Variants in ADAMTS3 observed in about 807,000 individuals in gnomAD.
ADAMTS3 encodes the protein ADAM metallopeptidase with thrombospondin type 1 motif 3.
Under a neutral mutation model 129.0 loss-of-function variants are expected in ADAMTS3, and 73 were observed. The observed-to-expected ratio is 0.57, with a 90% CI of 0.47 to 0.69. The LOEUF is 0.69. ADAMTS3 is among the 30% of genes least tolerant of loss of function. ADAMTS3 has a pLI of 0.00. For synonymous variants in ADAMTS3, 477 were observed against 510.8 expected, an observed-to-expected ratio of 0.93 and a Z score of 0.89; for missense variants, 1,457 against 1,514.5, an observed-to-expected ratio of 0.96 and a Z score of 0.63.
chr4:72,311,100 G>A lies in ADAMTS3; in HGVS notation c.2003C>T (p.Thr668Met), dbSNP rs372067284. The change falls in exon 14 of 22, where the codon ACG becomes ATG. Residue 668 changes from threonine (T) to methionine (M), a missense_variant. Physicochemically the swap from Thr to Met is moderately conservative, Grantham distance 81. Transcript: ENST00000286657. ...ATATGGATCTTTGTAAGAACAGTGC[G>A]TTCCATCATGCACCAGTTGTTTCAT... ...AYMKQLVHDG[T>M]HCSYKDPYSI... 2.4e-5 allele frequency: 39 copies of A among 1,612,382 alleles called. No individual in the cohort carries two copies. Among genetic ancestry groups the A allele is most frequent in the Admixed American group, 3.3e-5 (2 of 59,902 alleles).
chr4:72,470,655 T>C (rs1719048144), intron 3 of ADAMTS3, among the ~76,000 whole-genome samples: 1 of 151,962 alleles, frequency 6.6e-6, no homozygotes, highest in Non-Finnish European at 1.5e-5. Flanking sequence ...AATATGAAGA[T>C]GTTTTCACCT....
intron 2 of ADAMTS3, among the ~76,000 whole-genome samples, chr4:72,556,240 T>C (rs979331346): frequency 2.6e-5 from 4 of 151,736 alleles, no homozygotes; most frequent in African/African-American, 9.7e-5. Context: ...GTATGACATA[T>C]GACAGACACA....
intron 3 of ADAMTS3, among the ~76,000 whole-genome samples, chr4:72,533,644 T>A (rs1721106314): frequency 1.3e-5 from 2 of 151,950 alleles, no homozygotes; most frequent in African/African-American, 2.4e-5. Flanking sequence ...TATGCACATA[T>A]GTATATATAC....
chr4:72,398,713 A>G (rs1721791934), intron 4 of ADAMTS3, among the ~76,000 whole-genome samples: 2 of 152,246 alleles, frequency 1.3e-5, no homozygotes, highest in Non-Finnish European at 2.9e-5. Context: ...ATGAAAGTTC[A>G]TAAGATGAAA....
chr4:72,309,472 A>G lies in ADAMTS3; in HGVS notation c.2104T>C (p.Cys702Arg). ...GAATTATCTCCTCCACAGACACCAC[A>G]CTTATCCTCAACCTTATTAGAACCA... Reference protein sequence around the residue: ...EIGSNKVEDKCGVCGGDNSHC... With the variant: ...EIGSNKVEDKRGVCGGDNSHC... The change falls in exon 15 of 22, where the codon TGT becomes CGT. Residue 702 changes from cysteine to arginine, a missense_variant. Cys to Arg is a radical substitution (Grantham distance 180). Coordinates refer to ENST00000286657, the MANE Select transcript of ADAMTS3 (RefSeq NM_014243.3). 1.9e-6 allele frequency: 3 copies of G among 1,612,130 alleles called. No homozygotes were observed. Among genetic ancestry groups the G allele is most frequent in the Non-Finnish European group, 1.7e-6 (2 of 1,178,648 alleles).
chr4:72,535,511 C>G (rs1721164132), intron 3 of ADAMTS3, among the ~76,000 whole-genome samples: 1 of 152,126 alleles, frequency 6.6e-6, no homozygotes, highest in Admixed American at 6.6e-5. Context: ...CAGAAGTAGA[C>G]CTTCCAGAAG....
chr4:72,494,799 C>A (rs1024869335), intron 3 of ADAMTS3, among the ~76,000 whole-genome samples: 2 of 152,114 alleles, frequency 1.3e-5, no homozygotes, highest in Non-Finnish European at 2.9e-5. Context: ...TTTGGGGGTG[C>A]TTAGTAGTAA....
At chr4:72,442,098 G>A (rs982831239) in intron 3 of ADAMTS3, 1 of 151,778 alleles carries the variant, frequency 6.6e-6, no homozygotes, top group Non-Finnish European at 1.5e-5. Context: ...GACTTGAATG[G>A]CTGAGGTCTA....
intron 3 of ADAMTS3, among the ~76,000 whole-genome samples, chr4:72,528,225 A>C (rs1720865716): frequency 6.6e-6 from 1 of 151,796 alleles, no homozygotes; most frequent in South Asian, 2.1e-4. Flanking sequence ...AAAAAAAAAA[A>C]GTTTCCATGC....
intron 19 of ADAMTS3, among the ~76,000 whole-genome samples, chr4:72,295,429 A>T (rs558600833): frequency 1.6e-4 from 25 of 152,214 alleles, no homozygotes; most frequent in African/African-American, 5.8e-4. Context: ...GTAATTACCA[A>T]ATATCAAAAT....
chr4:72,493,154 T>G (rs928944449), intron 3 of ADAMTS3, among the ~76,000 whole-genome samples: 13 of 151,922 alleles, frequency 8.6e-5, no homozygotes, highest in African/African-American at 3.1e-4. Flanking sequence ...AAATTTGTTT[T>G]TTGTCCATTC....
chr4:72,432,091 C>G (rs1722714024), intron 3 of ADAMTS3, among the ~76,000 whole-genome samples: 1 of 151,954 alleles, frequency 6.6e-6, no homozygotes, highest in African/African-American at 2.4e-5. Flanking sequence ...TCCTCTGTAG[C>G]AGAGGCTGCT....
In ADAMTS3 at chr4:72,289,489, T is replaced by C. The variant is rs534041929; in HGVS notation, c.2932-621A>G. Among the ~76,000 whole-genome samples, 175 of 152,302 alleles carry C rather than the reference T, an allele frequency of 1.1e-3. 1 individual carries two copies. The highest frequency in any genetic ancestry group is 3.9e-3 in the African/African-American group (161 of 41,566). On this transcript the variant is annotated intron_variant, in intron 20 of 21. Coordinates refer to ENST00000286657, the MANE Select transcript of ADAMTS3 (RefSeq NM_014243.3). ...CTAAAACTAAGCTCAGAAAGTTCCA[T>C]GTAATGGCCCTAGGAAGGTGCTGTG...
chr4:72,521,986 G>A (rs200857679), intron 3 of ADAMTS3, among the ~76,000 whole-genome samples: 12 of 152,236 alleles, frequency 7.9e-5, no homozygotes, highest in East Asian at 3.9e-4. Flanking sequence ...AAACAGAGCC[G>A]TATATGTCCC....
intron 3 of ADAMTS3, among the ~76,000 whole-genome samples, chr4:72,461,489 T>C (rs1395571220): frequency 6.6e-6 from 1 of 151,816 alleles, no homozygotes; most frequent in East Asian, 1.9e-4. Context: ...GCATATGCTA[T>C]ATAGCTCCAG....
At chr4:72,455,843 C>G (rs1442264974) in intron 3 of ADAMTS3, among the ~76,000 whole-genome samples, 1 of 65,656 alleles carries the variant, frequency 1.5e-5, no homozygotes, top group Non-Finnish European at 2.9e-5. Flanking sequence ...AGTGTATATA[C>G]TATATATTTT....
intron 2 of ADAMTS3, among the ~76,000 whole-genome samples, chr4:72,558,054 T>C (rs760460522): frequency 4.6e-5 from 7 of 151,878 alleles, no homozygotes; most frequent in Admixed American, 1.3e-4. Flanking sequence ...ATATTGAGTA[T>C]AGAATTTGAA....
chr4:72,415,390 T>C, intron 3 of ADAMTS3, among the ~76,000 whole-genome samples: 1 of 151,992 alleles, frequency 6.6e-6, no homozygotes, highest in East Asian at 1.9e-4. Context: ...AAACGTTACA[T>C]ACATTTTTAC....
At chr4:72,502,828 T>C (rs183894136) in intron 3 of ADAMTS3, among the ~76,000 whole-genome samples, 52 of 152,182 alleles carry the variant, frequency 3.4e-4, no homozygotes, top group African/African-American at 1.2e-3. Flanking sequence ...CATCAACCCA[T>C]CACCTACATT....
Sources: gnomAD v4.1 joint callset for allele counts (sites outside exome capture counted in the v4.1 genomes callset) on GRCh38, gnomAD v4.1.1 for gene constraint, MANE v1.5 for transcripts, NCBI Gene and HGNC (gene_info 2026-07-23, HGNC 2026-07-21) for gene names.